Variants in RABGEF1 observed in about 807,000 individuals in gnomAD.
The protein encoded by RABGEF1 is rab5 GDP/GTP exchange factor.
In RABGEF1, 26 loss-of-function variants were observed where a neutral mutation model predicts 57.3. That is an observed-to-expected ratio of 0.45 (90% CI 0.33 to 0.63). RABGEF1 has a LOEUF of 0.63. RABGEF1 is among the 20% of genes least tolerant of loss of function. The pLI is 0.02. For synonymous variants in RABGEF1, 185 were observed against 210.7 expected (o/e 0.88, Z 1.06); for missense variants, 464 against 607.6 (o/e 0.76, Z 2.48).
At chr7:66,715,205 GC>G (rs1795241719) in intron 2 of RABGEF1, among the ~76,000 whole-genome samples, 2 of 152,000 alleles carry the variant, frequency 1.3e-5, no homozygotes, top group Admixed American at 6.6e-5. Flanking sequence ...CTAGCTCACT[GC>G]ATCCTCAAAC....
chr7:66,788,592 A>T (rs1281636108), intron 4 of RABGEF1, among the ~76,000 whole-genome samples: 1 of 152,180 alleles, frequency 6.6e-6, no homozygotes, highest in African/African-American at 2.4e-5. Flanking sequence ...CTTAATAGTC[A>T]TTCTGATAAG....
At chr7:66,743,676 T>C (rs1466590607) in intron 1 of RABGEF1, among the ~76,000 whole-genome samples, 2 of 152,148 alleles carry the variant, frequency 1.3e-5, no homozygotes, top group Admixed American at 1.3e-4. Context: ...TAATTTTTTC[T>C]ATTTTTAGTA....
chr7:66,704,038 T>C (rs1793663097), intron 1 of RABGEF1, among the ~76,000 whole-genome samples: 1 of 152,234 alleles, frequency 6.6e-6, no homozygotes, highest in Non-Finnish European at 1.5e-5. Flanking sequence ...AAGTGTTTTA[T>C]TGATTTTGAA....
intron 3 of RABGEF1, among the ~76,000 whole-genome samples, chr7:66,779,618 G>A (rs1457448268): frequency 2.6e-5 from 4 of 151,262 alleles, no homozygotes; most frequent in Non-Finnish European, 5.9e-5. Flanking sequence ...GCTGCAATGT[G>A]CTGTGATCAT....
rs1794613414 is a variant in RABGEF1 at position 66,710,191 on chromosome 7, T to C, written c.-872-1976T>C. On this transcript the variant is annotated intron_variant and NMD_transcript_variant, in intron 1 of 9. Transcript: ENST00000607882. ...TTCAGCATAATTGTTCTAAGATTCATGCATGTTATGTGTATCAATAGTTCA... is the reference window on the plus strand; with the variant it reads ...TTCAGCATAATTGTTCTAAGATTCACGCATGTTATGTGTATCAATAGTTCA... Among the ~76,000 whole-genome samples the C allele has an allele frequency of 3.9e-5, 6 of 152,246 alleles. No homozygotes were observed. The South Asian group carries it at 1.0e-3, about 26-fold the overall frequency.
chr7:66,679,564 C>T (rs1032347458), upstream of RABGEF1, among the ~76,000 whole-genome samples: 1 of 152,194 alleles, frequency 6.6e-6, no homozygotes, highest in Non-Finnish European at 1.5e-5. Context: ...GGTGATCAGC[C>T]CGCCTCGGCC....
chr7:66,754,507 G>T (rs575525617), intron 1 of RABGEF1, among the ~76,000 whole-genome samples: 1 of 152,060 alleles, frequency 6.6e-6, no homozygotes. Context: ...ACTTTGGAAG[G>T]CCACAGTGGG....
At chr7:66,706,028 G>A (rs1584808255) in intron 1 of RABGEF1, among the ~76,000 whole-genome samples, 2 of 150,250 alleles carry the variant, frequency 1.3e-5, no homozygotes, top group East Asian at 2.0e-4. Context: ...TCAGCCTCCC[G>A]AGTAGCTGGG....
intron 1 of RABGEF1, among the ~76,000 whole-genome samples, chr7:66,750,579 T>C (rs1235914400): frequency 6.6e-6 from 1 of 152,236 alleles, no homozygotes; most frequent in Non-Finnish European, 1.5e-5. Flanking sequence ...AGTAACTCAA[T>C]GCATTAAAAG....
chr7:66,737,044 T>TGAGGGGGGA (rs1798033686), upstream of RABGEF1, among the ~76,000 whole-genome samples: 2 of 139,172 alleles, frequency 1.4e-5, no homozygotes, highest in Non-Finnish European at 3.1e-5. Flanking sequence ...TATATATATA[T>TGAGGGGGGA]GAGGGGGGAG....
At chr7:66,694,853 G>A (rs1414204076) in intron 1 of RABGEF1, among the ~76,000 whole-genome samples, 1 of 152,214 alleles carries the variant, frequency 6.6e-6, no homozygotes, top group Non-Finnish European at 1.5e-5. Context: ...ACGGGGCTGG[G>A]GGATCAGTTA....
In RABGEF1 at chr7:66,764,026, G is replaced by A. The variant is rs528772103; in HGVS notation, c.-17-7857G>A. On this transcript the variant is annotated intron_variant, in intron 1 of 8. Transcript: ENST00000284957. ...AATTGCTGGTTTCTATGGTAATATT[G>A]TTTAATCATTTGAGAAACTGCCAGA... Among the ~76,000 whole-genome samples, 28 of 152,198 alleles carry A rather than the reference G, an allele frequency of 1.8e-4. No individual in the cohort carries two copies. The South Asian group carries it at 5.8e-3, about 32-fold the overall frequency.
chr7:66,671,730 G>A, the RABGEF1 span, among the ~76,000 whole-genome samples: 7 of 152,086 alleles, frequency 4.6e-5, no homozygotes, highest in African/African-American at 1.2e-4. Context: ...GCTGAGGTGG[G>A]AGGATTGGTT....
chr7:66,791,176 G>A (rs1812576920), intron 4 of RABGEF1, among the ~76,000 whole-genome samples: 1 of 152,156 alleles, frequency 6.6e-6, no homozygotes, highest in South Asian at 2.1e-4. Flanking sequence ...TGGCTTTTTT[G>A]TTTGTTTTTG....
At chr7:66,709,070 C>T (rs745493174) in intron 1 of RABGEF1, among the ~76,000 whole-genome samples, 5 of 150,766 alleles carry the variant, frequency 3.3e-5, no homozygotes, top group Admixed American at 1.3e-4. Context: ...CAGGCTAGAG[C>T]GCAATGGCAC....
At chr7:66,787,234 A>G (rs893761681) in intron 4 of RABGEF1, among the ~76,000 whole-genome samples, 24 of 144,930 alleles carry the variant, frequency 1.7e-4, no homozygotes, top group Admixed American at 2.8e-4. Flanking sequence ...GGATTTCACT[A>G]TGTTGGCCAA....
chr7:66,715,734 G>C (rs1346946840), intron 2 of RABGEF1, among the ~76,000 whole-genome samples: 2 of 152,004 alleles, frequency 1.3e-5, no homozygotes, highest in Non-Finnish European at 2.9e-5. Context: ...CATAATCTTA[G>C]TGAATGTTCT....
intron 2 of RABGEF1, among the ~76,000 whole-genome samples, chr7:66,730,568 T>C (rs1477288383): frequency 1.3e-5 from 2 of 150,590 alleles, no homozygotes; most frequent in African/African-American, 4.9e-5. Context: ...TTTTTTTTTT[T>C]TTTTTTTGGT....
intron 3 of RABGEF1, among the ~76,000 whole-genome samples, chr7:66,778,635 A>C (rs1161296202): frequency 6.6e-6 from 1 of 152,108 alleles, no homozygotes; most frequent in Non-Finnish European, 1.5e-5. Flanking sequence ...TACCACCCAG[A>C]CCTTAGAAAG....
Sources: allele counts gnomAD v4.1 joint callset (sites outside exome capture counted in the v4.1 genomes callset), GRCh38; gene constraint gnomAD v4.1.1; transcripts MANE v1.5; gene names NCBI Gene and HGNC (gene_info 2026-07-23, HGNC 2026-07-21).